Variants in SGIP1 observed in about 807,000 individuals in gnomAD.
The protein encoded by SGIP1 is SH3-containing GRB2-like protein 3-interacting protein 1.
Under a neutral mutation model 107.5 loss-of-function variants are expected in SGIP1, and 38 were observed. The ratio of observed to expected loss-of-function variants is 0.35; its 90% CI spans 0.27 to 0.46. The LOEUF is 0.46. Among genes scored for constraint, SGIP1 ranks in the 20% least tolerant of loss-of-function variants. The probability of loss-of-function intolerance (pLI) is 1.00; values close to 1 mark genes in which losing one functional copy is unlikely to be tolerated. For synonymous variants in SGIP1, 365 were observed against 366.1 expected (o/e 1.00, Z 0.03); for missense variants, 929 against 1,019.5 (o/e 0.91, Z 1.21).
chr1:66,668,961 T>C (rs1490136599), intron 9 of SGIP1, among the ~76,000 whole-genome samples: 1 of 152,230 alleles, frequency 6.6e-6, no homozygotes, highest in Non-Finnish European at 1.5e-5. Flanking sequence ...CACCTCAGTC[T>C]TTTTCTAGAT....
At chr1:66,534,006 A>C, upstream of SGIP1, 1 of 310,796 alleles carries the variant, frequency 3.2e-6, no homozygotes, top group African/African-American at 2.1e-5. Flanking sequence ...GGGGACGGGA[A>C]ATAGGTTCTG....
At chr1:66,612,516 T>C (rs974217662) in intron 1 of SGIP1, among the ~76,000 whole-genome samples, 2 of 152,264 alleles carry the variant, frequency 1.3e-5, no homozygotes, top group Non-Finnish European at 2.9e-5. Context: ...TTATATGATG[T>C]ATACTATGAC....
At chr1:66,593,860 CTT>C (rs925087252) in intron 1 of SGIP1, among the ~76,000 whole-genome samples, 49 of 152,160 alleles carry the variant, frequency 3.2e-4, no homozygotes, top group African/African-American at 1.1e-3. Flanking sequence ...AAAAAAATCT[CTT>C]ATATTTCCTG....
At chr1:66,641,346 C>T (rs993705663) in intron 5 of SGIP1, among the ~76,000 whole-genome samples, 4 of 151,930 alleles carry the variant, frequency 2.6e-5, no homozygotes, top group Non-Finnish European at 5.9e-5. Flanking sequence ...TTAATGGGGG[C>T]TTTTTCCATG....
At chr1:66,692,372 A>C (rs1192016320) in intron 17 of SGIP1, among the ~76,000 whole-genome samples, 1 of 152,084 alleles carries the variant, frequency 6.6e-6, no homozygotes, top group Non-Finnish European at 1.5e-5. Context: ...ACTAAGGAGC[A>C]TACTGATTTA....
chr1:66,668,278 C>T (rs2083035641), intron 9 of SGIP1, among the ~76,000 whole-genome samples: 1 of 152,098 alleles, frequency 6.6e-6, no homozygotes. Context: ...GCAACCTCCG[C>T]CTCTCGAGTT....
At chr1:66,704,780 TTTA>T (rs2092341816) in intron 18 of SGIP1, 1 of 152,206 alleles carries the variant, frequency 6.6e-6, no homozygotes, top group Non-Finnish European at 1.5e-5. Context: ...TCAAAGAGAT[TTTA>T]TTAAGACTCA....
At chr1:66,673,485 GAA>G in intron 12 of SGIP1, 119 bp downstream of exon 12, 1 of 950,556 alleles carries the variant, frequency 1.1e-6, no homozygotes, top group Non-Finnish European at 1.5e-6. Context: ...TCGTGGGAAA[GAA>G]AAGTTTCAAT....
intron 3 of SGIP1, chr1:66,634,085 GAAA>G: frequency 6.2e-7 from 1 of 1,602,778 alleles, no homozygotes; most frequent in Non-Finnish European, 8.5e-7. Flanking sequence ...TTCAGCAGGG[GAAA>G]AAAAAGACCC....
At chr1:66,643,423 T>C in intron 6 of SGIP1, 121 bp from the exon 7 acceptor site, 2 of 710,068 alleles carry the variant, frequency 2.8e-6, no homozygotes, top group Admixed American at 6.6e-5. Context: ...CTTTTGTATG[T>C]TTTGCTTTGA....
rs2150833930 is a variant in SGIP1 at position 66,749,127 on chromosome 1, A to C, written c.*6032A>C. ...TTTAACTTTATCATCTAAAATATTCAAAACAAAACAATAAAATTATTTTAA... is the reference window on the plus strand; with the variant it reads ...TTTAACTTTATCATCTAAAATATTCCAAACAAAACAATAAAATTATTTTAA... On this transcript the variant is annotated 3_prime_UTR_variant, in exon 25 of 25. Transcript: ENST00000371037. 7.1e-6 allele frequency among the ~76,000 whole-genome samples: 1 copy of C among 140,248 alleles called. No homozygotes were observed. The highest frequency in any genetic ancestry group is 2.2e-4 in the South Asian group (1 of 4,588). 92.0% of individuals were successfully genotyped at this position (140,248 alleles called of 152,430 possible). A position where few individuals can be genotyped will look rare whatever the true frequency, so the allele number is the denominator to read the frequency against.
chr1:66,574,526 A>G (rs2060797060), intron 1 of SGIP1, among the ~76,000 whole-genome samples: 2 of 152,126 alleles, frequency 1.3e-5, no homozygotes, highest in Non-Finnish European at 2.9e-5. Flanking sequence ...CTATGAGAAC[A>G]ATTAGATTGT....
intron 7 of SGIP1, among the ~76,000 whole-genome samples, chr1:66,653,018 T>A (rs964100561): frequency 6.6e-6 from 1 of 152,260 alleles, no homozygotes; most frequent in African/African-American, 2.4e-5. Context: ...AAACTGCCAC[T>A]CCATCCCCAA....
In SGIP1 at chr1:66,689,283, C is replaced by T; in HGVS notation, c.1443+8C>T. On this transcript the variant is annotated splice_region_variant and intron_variant, in intron 16 of 24. Coordinates refer to ENST00000371037, the MANE Select transcript of SGIP1 (RefSeq NM_032291.4). ...CCTGGAGTTGGAGATGTGGTATGTT[C>T]CCTTCTGCCCTGGCTTGCTCAGAAA... The T allele has an allele frequency of 1.9e-6, 3 of 1,612,688 alleles. No individual in the cohort carries two copies. The highest frequency in any genetic ancestry group is 2.5e-6 in the Non-Finnish European group (3 of 1,179,222).
At chr1:66,545,064 C>T (rs1229553716) in intron 1 of SGIP1, among the ~76,000 whole-genome samples, 1 of 152,188 alleles carries the variant, frequency 6.6e-6, no homozygotes, top group East Asian at 1.9e-4. Flanking sequence ...TCTGTTCTCT[C>T]TCTTTCATCC....
At chr1:66,607,180 A>G (rs746101585) in intron 1 of SGIP1, among the ~76,000 whole-genome samples, 2 of 152,314 alleles carry the variant, frequency 1.3e-5, no homozygotes, top group Admixed American at 6.5e-5. Flanking sequence ...TTGAGTTTAT[A>G]GTACTCTTCT....
At chr1:66,548,624 G>C (rs1031377376) in intron 1 of SGIP1, among the ~76,000 whole-genome samples, 1 of 152,056 alleles carries the variant, frequency 6.6e-6, no homozygotes, top group African/African-American at 2.4e-5. Context: ...TTGTTTATTA[G>C]GGGGGCTTTT....
rs1002358268 is a variant in SGIP1, at chr1:66,751,056, C to A, written c.*7961C>A. Among the ~76,000 whole-genome samples the A allele has an allele frequency of 6.6e-6, 1 of 152,100 alleles. No individual in the cohort carries two copies. Among genetic ancestry groups the A allele is most frequent in the Non-Finnish European group, 1.5e-5 (1 of 68,002 alleles). ...TCCCATTCCAGAACAAAGTTTAATTCTATATGTAAGTTGTTACTGAAATGT... is the reference window on the plus strand; with the variant it reads ...TCCCATTCCAGAACAAAGTTTAATTATATATGTAAGTTGTTACTGAAATGT... On this transcript the variant is annotated 3_prime_UTR_variant, in exon 25 of 25. Coordinates refer to ENST00000371037, the MANE Select transcript of SGIP1 (RefSeq NM_032291.4).
chr1:66,733,814 C>T lies in SGIP1; in HGVS notation c.1965C>T (p.His655=), dbSNP rs771030760. 5 of 1,613,364 alleles carry T rather than the reference C, an allele frequency of 3.1e-6. No individual in the cohort carries two copies. The highest frequency in any genetic ancestry group is 1.3e-5 in the African/African-American group (1 of 74,964). The change falls in exon 21 of 25, where the codon CAC becomes CAT. Residue 655 remains histidine (H), a synonymous_variant. Coordinates refer to ENST00000371037, the MANE Select transcript of SGIP1 (RefSeq NM_032291.4). ...TAAACATGCCAAATTTGATGACTCA[C>T]CTAAAGAAAGTGTCTGAACAAAAAC... is the stretch of plus-strand genomic sequence containing the variant. The part of the protein sequence containing the change: ...FWVNMPNLMT[H]LKKVSEQKPQ...
Sources: allele counts gnomAD v4.1 joint callset (sites outside exome capture counted in the v4.1 genomes callset), GRCh38; gene constraint gnomAD v4.1.1; transcripts MANE v1.5; gene names NCBI Gene and HGNC (gene_info 2026-07-23, HGNC 2026-07-21).